Variants in GSG1L observed in about 807,000 individuals in gnomAD.
The protein encoded by GSG1L is GSG1 like.
In GSG1L, 24 loss-of-function variants were observed where a neutral mutation model predicts 42.1. That is an observed-to-expected ratio of 0.57 (90% CI 0.41 to 0.80). The LOEUF (loss-of-function observed/expected upper bound fraction) is 0.80, where lower values mean the gene tolerates loss of function less well. Among genes scored for constraint, GSG1L ranks in the 30% least tolerant of loss-of-function variants. The pLI, the probability that GSG1L is intolerant of heterozygous loss-of-function variation, is 0.00. For synonymous variants in GSG1L, 215 were observed against 203.5 expected (o/e 1.06, Z -0.48); for missense variants, 445 against 472.2 (o/e 0.94, Z 0.53).
chr16:27,930,346 G>GC (rs1387315424), intron 2 of GSG1L, among the ~76,000 whole-genome samples: 3 of 152,074 alleles, frequency 2.0e-5, no homozygotes, highest in African/African-American at 7.2e-5. Flanking sequence ...TCCCAGCGAG[G>GC]CCCCCCTAGA....
chr16:27,886,345 C>T (rs1336980699), intron 2 of GSG1L, among the ~76,000 whole-genome samples: 2 of 152,186 alleles, frequency 1.3e-5, no homozygotes, highest in African/African-American at 4.8e-5. Flanking sequence ...GAGGCTGAGG[C>T]AGGAGAATCG....
At chr16:27,950,814 A>C (rs1426516953) in intron 2 of GSG1L, among the ~76,000 whole-genome samples, 3 of 152,064 alleles carry the variant, frequency 2.0e-5, no homozygotes, top group Non-Finnish European at 4.4e-5. Context: ...TGTTCATTCT[A>C]CTGGGACTTC....
At chr16:27,832,236 T>C (rs569807317) in intron 4 of GSG1L, among the ~76,000 whole-genome samples, 6 of 152,362 alleles carry the variant, frequency 3.9e-5, no homozygotes, top group South Asian at 4.1e-4. Flanking sequence ...CCATGTGCCC[T>C]TTAGCCAGTT....
chr16:27,895,604 C>A (rs2084182378), intron 2 of GSG1L, among the ~76,000 whole-genome samples: 2 of 152,178 alleles, frequency 1.3e-5, no homozygotes, highest in South Asian at 4.1e-4. Flanking sequence ...GAAAGACATT[C>A]AGCTCAGACG....
At chr16:27,996,753 T>G (rs2085518414) in intron 1 of GSG1L, among the ~76,000 whole-genome samples, 2 of 152,196 alleles carry the variant, frequency 1.3e-5, no homozygotes. Flanking sequence ...CAATACAAAA[T>G]CTTTACCTTA....
intron 3 of GSG1L, among the ~76,000 whole-genome samples, chr16:27,852,262 A>G (rs1279277191): frequency 6.6e-6 from 1 of 152,254 alleles, no homozygotes; most frequent in Admixed American, 6.5e-5. Flanking sequence ...GGAGCCAGAA[A>G]GATGGGGCAG....
At chr16:27,944,510 T>C (rs2084840650) in intron 2 of GSG1L, among the ~76,000 whole-genome samples, 1 of 151,582 alleles carries the variant, frequency 6.6e-6, no homozygotes, top group Admixed American at 6.6e-5. Context: ...TAATCCCAGC[T>C]ACTCGGGAGG....
chr16:27,794,620 C>G (rs1178367656), intron 6 of GSG1L, among the ~76,000 whole-genome samples: 2 of 152,184 alleles, frequency 1.3e-5, no homozygotes, highest in Admixed American at 1.3e-4. Flanking sequence ...CTTGAGCCAC[C>G]GCGCCCGGCC....
intron 6 of GSG1L, among the ~76,000 whole-genome samples, chr16:27,793,897 A>G (rs1301998120): frequency 6.6e-6 from 1 of 152,204 alleles, no homozygotes; most frequent in African/African-American, 2.4e-5. Flanking sequence ...TGGGAATCTC[A>G]ACTCAAAATG....
chr16:27,973,439 CAAAAAAAAAAAAA>C (rs71140935), intron 1 of GSG1L, among the ~76,000 whole-genome samples: 20 of 29,856 alleles, frequency 6.7e-4, no homozygotes, highest in East Asian at 1.4e-3. Context: ...GACCCCATCA[CAAAAAAAAAAAAA>C]AAAAAAAAAA....
chr16:27,909,912 G>A (rs2084364979), intron 2 of GSG1L, among the ~76,000 whole-genome samples: 1 of 150,720 alleles, frequency 6.6e-6, no homozygotes, highest in Non-Finnish European at 1.5e-5. Flanking sequence ...AATGTAACTT[G>A]CCCATGAGCA....
At chr16:27,921,817 C>T (rs2084527861) in intron 2 of GSG1L, among the ~76,000 whole-genome samples, 1 of 152,162 alleles carries the variant, frequency 6.6e-6, no homozygotes, top group Non-Finnish European at 1.5e-5. Flanking sequence ...AGGACCCTGC[C>T]TTGATCGTAC....
In GSG1L at chr16:27,804,570, C is replaced by G. The variant is rs144139142; in HGVS notation, c.898+2917G>C. On this transcript the variant is annotated intron_variant, in intron 6 of 6. Coordinates refer to ENST00000447459, the MANE Select transcript of GSG1L (RefSeq NM_001109763.2). ...TCTTGCCTGACTCCCTGCTGTCTCTCCAGCACCCACAGGGCTGACGTGCAG... is the reference window on the plus strand; with the variant it reads ...TCTTGCCTGACTCCCTGCTGTCTCTGCAGCACCCACAGGGCTGACGTGCAG... Among the ~76,000 whole-genome samples the G allele has an allele frequency of 1.7e-3, 253 of 151,616 alleles. 1 individual carries two copies. The highest frequency in any genetic ancestry group is 5.7e-3 in the African/African-American group (235 of 41,262).
intron 1 of GSG1L, among the ~76,000 whole-genome samples, chr16:28,058,792 T>C (rs958469843): frequency 1.3e-5 from 2 of 152,154 alleles, no homozygotes; most frequent in African/African-American, 4.8e-5. Context: ...GTCCTCATAC[T>C]TGTGACACTG....
chr16:27,813,119 T>C (rs2083052452), intron 5 of GSG1L, among the ~76,000 whole-genome samples: 1 of 152,140 alleles, frequency 6.6e-6, no homozygotes, highest in African/African-American at 2.4e-5. Context: ...AGATTCAGGG[T>C]ACGTGTGCAG....
rs944901573 is a variant in GSG1L, at chr16:27,789,176, T to C, written c.*2194A>G. On this transcript the variant is annotated 3_prime_UTR_variant, in exon 7 of 7. Coordinates refer to ENST00000447459, the MANE Select transcript of GSG1L (RefSeq NM_001109763.2). ...GGATAATTGATGGATGATGGATAGA[T>C]GAAGGAATGGATGGATGATAGATAG... The C allele has an allele frequency of 7.9e-5, 12 of 151,964 alleles. No homozygotes were observed. The highest frequency in any genetic ancestry group is 2.7e-4 in the African/African-American group (11 of 41,284). 9.4% of individuals were successfully genotyped at this position (151,964 alleles called of 1,614,324 possible).
At chr16:28,005,153 G>A (rs1381931481) in intron 1 of GSG1L, among the ~76,000 whole-genome samples, 1 of 152,066 alleles carries the variant, frequency 6.6e-6, no homozygotes, top group African/African-American at 2.4e-5. Flanking sequence ...TGCTCTTGTT[G>A]CCCAGGCTGG....
At chr16:28,057,836 C>T (rs562649836) in intron 1 of GSG1L, among the ~76,000 whole-genome samples, 28 of 152,364 alleles carry the variant, frequency 1.8e-4, no homozygotes, top group African/African-American at 6.0e-4. Flanking sequence ...CAAGGCCACA[C>T]AGCAGCTGGC....
intron 2 of GSG1L, among the ~76,000 whole-genome samples, chr16:27,920,359 AG>A (rs1269269055): frequency 6.6e-6 from 1 of 152,226 alleles, no homozygotes; most frequent in Non-Finnish European, 1.5e-5. Flanking sequence ...TCCGCACACC[AG>A]GCTGACTTAA....
Sources: gnomAD v4.1 joint callset for allele counts (sites outside exome capture counted in the v4.1 genomes callset) on GRCh38, gnomAD v4.1.1 for gene constraint, MANE v1.5 for transcripts, NCBI Gene and HGNC (gene_info 2026-07-23, HGNC 2026-07-21) for gene names.